Variants in PRKAR1A observed in about 807,000 individuals in gnomAD.
PRKAR1A encodes protein kinase cAMP-dependent type I regulatory subunit alpha.
A neutral mutation model predicts 52.0 loss-of-function variants in PRKAR1A; 3 were observed. The observed-to-expected ratio is 0.06, with a 90% confidence interval of 0.03 to 0.15. The LOEUF is 0.15. Among genes scored for constraint, PRKAR1A ranks in the 10% least tolerant of loss-of-function variants. PRKAR1A has a pLI of 1.00. For missense variants in PRKAR1A, 240 were observed against 477.4 expected, an observed-to-expected ratio of 0.50 and a Z score of 4.63; for synonymous variants, 188 against 168.4, an observed-to-expected ratio of 1.12 and a Z score of -0.90.
chr17:68,535,276 G>A, downstream of PRKAR1A: 1 of 454,056 alleles, frequency 2.2e-6, no homozygotes, highest in Non-Finnish European at 4.4e-6. Context: ...TGAAAGATAA[G>A]TGAATAATAA....
At chr17:68,496,215 T>C in the PRKAR1A span, among the ~76,000 whole-genome samples, 2 of 150,076 alleles carry the variant, frequency 1.3e-5, no homozygotes, top group African/African-American at 4.9e-5. Flanking sequence ...CTAATTTTTG[T>C]ATTTTTTGTA....
At chr17:68,432,263 C>T in the PRKAR1A span, among the ~76,000 whole-genome samples, 1 of 152,264 alleles carries the variant, frequency 6.6e-6, no homozygotes, top group Admixed American at 6.5e-5. Context: ...AGTCCCATGG[C>T]TGTGATATGT....
chr17:68,495,235 A>G, the PRKAR1A span, among the ~76,000 whole-genome samples: 17 of 152,026 alleles, frequency 1.1e-4, no homozygotes, highest in East Asian at 2.9e-3. Context: ...GTCTCACTAT[A>G]TTTTCCAGGC....
the PRKAR1A span, among the ~76,000 whole-genome samples, chr17:68,486,943 G>A: frequency 1.3e-5 from 2 of 151,654 alleles, no homozygotes; most frequent in Admixed American, 6.6e-5. Context: ...GCATGATCTC[G>A]GCTCACTGCA....
chr17:68,421,582 G>A, the PRKAR1A span: 73 of 674,418 alleles, frequency 1.1e-4, no homozygotes, highest in South Asian at 1.1e-3. Context: ...TGTCTCCCGC[G>A]CCCATTGGCA....
rs913568045 is a variant in PRKAR1A, at chr17:68,531,327, A to G, written c.*878A>G. The G allele has an allele frequency of 1.9e-6, 2 of 1,066,028 alleles. No homozygotes were observed. Among genetic ancestry groups the G allele is most frequent in the African/African-American group, 3.3e-5 (2 of 61,104 alleles). The allele number at this position is 1,066,028 out of a possible 1,614,324, so 66.0% of individuals were successfully genotyped here. A position where few individuals can be genotyped will look rare whatever the true frequency, so the allele number is the denominator to read the frequency against. The stretch of plus-strand genomic sequence containing the variant: ...GGTTGTTAATTTAGAGCGTTTGGTT[A>G]AAGTATGTCCTTCAGCTGACTCCAG... On this transcript the variant is annotated 3_prime_UTR_variant, in exon 11 of 11. Coordinates refer to ENST00000589228, the MANE Select transcript of PRKAR1A (RefSeq NM_002734.5).
chr17:68,540,600 C>T, intron 11 of PRKAR1A: 2 of 595,184 alleles, frequency 3.4e-6, no homozygotes, highest in Admixed American at 2.1e-5. Context: ...CTGACGCCCA[C>T]TCAGGCCCGT....
the PRKAR1A span, among the ~76,000 whole-genome samples, chr17:68,417,484 G>A: frequency 5.9e-5 from 9 of 152,102 alleles, no homozygotes; most frequent in South Asian, 2.1e-4. Flanking sequence ...GGGGGGTGGC[G>A]CTTGATAACT....
At chr17:68,459,451 G>A in the PRKAR1A span, among the ~76,000 whole-genome samples, 1 of 152,236 alleles carries the variant, frequency 6.6e-6, no homozygotes, top group Non-Finnish European at 1.5e-5. Flanking sequence ...TTGAGCAGGA[G>A]TGTTTCATGA....
chr17:68,471,669 G>A, the PRKAR1A span, among the ~76,000 whole-genome samples: 1 of 152,206 alleles, frequency 6.6e-6, no homozygotes, highest in Admixed American at 6.5e-5. Context: ...GGATGTCCCT[G>A]TAGTACTTTC....
the PRKAR1A span, among the ~76,000 whole-genome samples, chr17:68,492,014 G>A: frequency 1.3e-5 from 2 of 152,196 alleles, no homozygotes; most frequent in Non-Finnish European, 2.9e-5. Flanking sequence ...CATCCAAGCT[G>A]TTAGGTTAAA....
In PRKAR1A at chr17:68,530,053, CAGTG is replaced by C. The variant is rs538671341; in HGVS notation, c.973+55_973+58del. On this transcript the variant is annotated intron_variant, in intron 10 of 10. Transcript: ENST00000589228. Reference sequence around the variant, plus strand: ...TACATGGTTTCTTTAAGTCACCTCTCAGTGAGATATTGTAGTCTTCCATAATTTT... The same window carrying C: ...TACATGGTTTCTTTAAGTCACCTCTCAGATATTGTAGTCTTCCATAATTTT... The C allele has an allele frequency of 1.1e-5, 18 of 1,570,078 alleles. 1 individual carries two copies. The highest frequency in any genetic ancestry group is 8.9e-5 in the South Asian group (8 of 90,098).
the PRKAR1A span, among the ~76,000 whole-genome samples, chr17:68,484,622 C>T: frequency 6.6e-6 from 1 of 152,174 alleles, no homozygotes; most frequent in Non-Finnish European, 1.5e-5. Context: ...TGATCCTGAT[C>T]TTAGATAGAA....
At chr17:68,547,934 C>G (rs769311753) in intron 11 of PRKAR1A, among the ~76,000 whole-genome samples, 53 of 152,348 alleles carry the variant, frequency 3.5e-4, no homozygotes, top group Middle Eastern at 6.8e-3. Context: ...TAATTTCTCG[C>G]TTCCCATTTA....
the PRKAR1A span, chr17:68,430,261 A>C: frequency 8.3e-7 from 1 of 1,208,676 alleles, no homozygotes; most frequent in Non-Finnish European, 1.2e-6. Context: ...TCCCCGCAGC[A>C]GGGAGAGACT....
chr17:68,495,570 A>G, the PRKAR1A span, among the ~76,000 whole-genome samples: 13 of 152,262 alleles, frequency 8.5e-5, no homozygotes, highest in Non-Finnish European at 1.5e-4. Context: ...TTCTTCCCAT[A>G]CAGGGTTCTA....
chr17:68,540,113 A>C (rs1454599205), intron 11 of PRKAR1A: 2 of 730,324 alleles, frequency 2.7e-6, no homozygotes, highest in East Asian at 5.4e-5. Context: ...TCATTTCCTC[A>C]GGGCCATCAG....
chr17:68,503,257 G>A, the PRKAR1A span, among the ~76,000 whole-genome samples: 21 of 152,214 alleles, frequency 1.4e-4, no homozygotes, highest in Non-Finnish European at 2.6e-4. Context: ...TTCATTGCTG[G>A]TGGGAATGCA....
chr17:68,538,004 A>C (rs16973034), downstream of PRKAR1A, among the ~76,000 whole-genome samples: 615 of 152,264 alleles, frequency 4.0e-3, 3 homozygotes, highest in Non-Finnish European at 7.2e-3. Flanking sequence ...GCTGGGCTAT[A>C]TGCATTTTCT....
Sources: allele counts gnomAD v4.1 joint callset (sites outside exome capture counted in the v4.1 genomes callset), GRCh38; gene constraint gnomAD v4.1.1; transcripts MANE v1.5; gene names NCBI Gene and HGNC (gene_info 2026-07-23, HGNC 2026-07-21).